The following TENM4 variants were observed in gnomAD, a reference collection of about 807,000 sequenced individuals.
TENM4 encodes the protein teneurin transmembrane protein 4, also known as teneurin-4.
Under a neutral mutation model 243.3 loss-of-function variants are expected in TENM4, and 82 were observed. The observed-to-expected ratio is 0.34, with a 90% confidence interval of 0.28 to 0.40. The LOEUF is 0.40. TENM4 is among the 10% of genes least tolerant of loss of function. TENM4 has a pLI of 1.00. For missense variants in TENM4, 3,138 were observed against 3,673.3 expected, an observed-to-expected ratio of 0.85 and a Z score of 3.77; for synonymous variants, 1,412 against 1,456.3, an observed-to-expected ratio of 0.97 and a Z score of 0.69.
intron 1 of TENM4, among the ~76,000 whole-genome samples, chr11:79,421,253 A>AC (rs1270653459): frequency 2.6e-5 from 4 of 151,078 alleles, no homozygotes; most frequent in Admixed American, 1.3e-4. Flanking sequence ...AAATAAAGTC[A>AC]CCCCCCCTCA....
intron 9 of TENM4, among the ~76,000 whole-genome samples, chr11:78,867,414 A>G (rs1859009617): frequency 6.6e-6 from 1 of 152,220 alleles, no homozygotes; most frequent in Admixed American, 6.5e-5. Context: ...GGTTTTAAAT[A>G]TAAGTCATGC....
chr11:79,278,904 C>G (rs1209273430), intron 2 of TENM4, among the ~76,000 whole-genome samples: 1 of 152,202 alleles, frequency 6.6e-6, no homozygotes, highest in African/African-American at 2.4e-5. Context: ...CAGAAACCAA[C>G]AGAGCCTAAA....
chr11:79,226,801 G>A (rs1481650747), intron 2 of TENM4, among the ~76,000 whole-genome samples: 1 of 152,114 alleles, frequency 6.6e-6, no homozygotes, highest in Non-Finnish European at 1.5e-5. Context: ...AAAACATGAT[G>A]GTTTTTATCA....
intron 6 of TENM4, among the ~76,000 whole-genome samples, chr11:78,983,157 T>C (rs2136633417): frequency 6.6e-6 from 1 of 152,340 alleles, no homozygotes; most frequent in Non-Finnish European, 1.5e-5. Flanking sequence ...GTGTATAAAA[T>C]GTTCTCAAAA....
rs780946140 is a variant in TENM4, at chr11:78,658,711, C to A, written c.7657G>T (p.Ala2553Ser). The change falls in exon 34 of 34, where the codon GCT (alanine) becomes TCT (serine). Residue 2553 changes from alanine (A) to serine (S), a missense_variant. Physicochemically the swap from Ala to Ser is moderately conservative, Grantham distance 99. Coordinates refer to ENST00000278550, the MANE Select transcript of TENM4 (RefSeq NM_001098816.3). Reference protein sequence around the residue: ...YGSTITSCQQAPKTKKFASSG... With the variant: ...YGSTITSCQQSPKTKKFASSG... ...GATGCAAACTTCTTGGTCTTTGGAG[C>A]CTGCTGGCAGCTGGTGATTGTGGAG... The A allele has an allele frequency of 1.9e-6, 3 of 1,614,008 alleles. No individual in the cohort carries two copies. Among genetic ancestry groups the A allele is most frequent in the South Asian group, 2.2e-5 (2 of 91,084 alleles).
At chr11:79,040,033 TA>T (rs34900293) in intron 6 of TENM4, among the ~76,000 whole-genome samples, 7,024 of 142,556 alleles carry the variant, frequency 0.049, 192 homozygotes, top group South Asian at 0.065. Context: ...GCAAAATGAT[TA>T]AAAAAAAAAA....
intron 9 of TENM4, among the ~76,000 whole-genome samples, chr11:78,879,006 C>T (rs1859341078): frequency 6.6e-6 from 1 of 152,034 alleles, no homozygotes; most frequent in African/African-American, 2.4e-5. Context: ...TCCTGTGCAC[C>T]ATCCCATCTG....
intron 4 of TENM4, among the ~76,000 whole-genome samples, chr11:79,071,916 T>C (rs1325823090): frequency 1.3e-5 from 2 of 152,228 alleles, no homozygotes; most frequent in Non-Finnish European, 2.9e-5. Flanking sequence ...TTAAGATGAA[T>C]AGTTGACACT....
At position 78,903,344 on chromosome 11, in the gene TENM4, G is replaced by A. The variant is rs886771772; in HGVS notation, c.673C>T (p.Pro225Ser). The change falls in exon 7 of 34, where the codon CCT becomes TCT. Residue 225 changes from proline (P) to serine (S), a missense_variant. Physicochemically the swap from Pro to Ser is moderately conservative, Grantham distance 74. Transcript: ENST00000278550. Reference sequence around the variant, plus strand: ...GCAGGCTCCTGGGCGCCGCCGGCAGGGGGCTCTCCGGAGAGCGAGTGGTCC... The same window carrying A: ...GCAGGCTCCTGGGCGCCGCCGGCAGAGGGCTCTCCGGAGAGCGAGTGGTCC... ...PTDHSLSGEP[P>S]AGGAQEPAHA... The A allele has an allele frequency of 7.2e-5, 107 of 1,478,924 alleles. No homozygotes were observed. The highest frequency in any genetic ancestry group is 9.2e-5 in the Non-Finnish European group (103 of 1,116,088). The allele number at this position is 1,478,924 out of a possible 1,614,324, so 91.6% of individuals were successfully genotyped here. A position where few individuals can be genotyped will look rare whatever the true frequency, so the allele number is the denominator to read the frequency against.
intron 32 of TENM4, among the ~76,000 whole-genome samples, chr11:78,666,221 C>T (rs1858156711): frequency 6.6e-6 from 1 of 152,114 alleles, no homozygotes; most frequent in East Asian, 1.9e-4. Flanking sequence ...CTTTGCACAC[C>T]ATGGGTTTTC....
At chr11:78,688,934 C>T (rs1858751083) in intron 28 of TENM4, among the ~76,000 whole-genome samples, 1 of 152,168 alleles carries the variant, frequency 6.6e-6, no homozygotes, top group South Asian at 2.1e-4. Flanking sequence ...TACTATTCTC[C>T]TGATAATAAT....
intron 1 of TENM4, among the ~76,000 whole-genome samples, chr11:79,357,435 T>C (rs1857515919): frequency 6.6e-6 from 1 of 152,230 alleles, no homozygotes; most frequent in Non-Finnish European, 1.5e-5. Flanking sequence ...TCCAGTTTTC[T>C]AGGGAATCGC....
intron 2 of TENM4, among the ~76,000 whole-genome samples, chr11:79,252,573 C>G (rs947835757): frequency 5.9e-5 from 9 of 152,182 alleles, no homozygotes; most frequent in African/African-American, 2.2e-4. Flanking sequence ...GGCCAGAAAA[C>G]TAGGGCAACT....
At chr11:78,928,413 TAAC>T (rs1203046856) in intron 6 of TENM4, among the ~76,000 whole-genome samples, 1 of 152,188 alleles carries the variant, frequency 6.6e-6, no homozygotes, top group Non-Finnish European at 1.5e-5. Flanking sequence ...GTTCCTAAGG[TAAC>T]AACTCTCAAT....
intron 1 of TENM4, among the ~76,000 whole-genome samples, chr11:79,315,044 A>G (rs970328855): frequency 6.6e-6 from 1 of 152,254 alleles, no homozygotes; most frequent in Admixed American, 6.5e-5. Context: ...GGGTGGTAGG[A>G]ACACAGATGA....
Position 79,440,243 on chromosome 11 carries a change from A to G in TENM4, c.-321+266T>C, listed in dbSNP as rs1183634646. On this transcript the variant is annotated intron_variant, in intron 1 of 33. Coordinates refer to ENST00000278550, the MANE Select transcript of TENM4 (RefSeq NM_001098816.3). The surrounding 1 kb of genome is among the most constrained non-coding windows in gnomAD (Gnocchi z 4.7). ...CTTCCCACCTCCCTGCCCTCCCCCA[A>G]CCCTTGCTCCCAGGCTCCAGTCCGC... Among the ~76,000 whole-genome samples the G allele has an allele frequency of 1.3e-5, 2 of 151,222 alleles. No homozygotes were observed. The highest frequency in any genetic ancestry group is 1.3e-4 in the Admixed American group (2 of 15,250).
chr11:78,897,502 A>T (rs1019022855), intron 7 of TENM4, among the ~76,000 whole-genome samples: 1 of 152,186 alleles, frequency 6.6e-6, no homozygotes, highest in Non-Finnish European at 1.5e-5. Context: ...CCAAGAACTT[A>T]GAACAGCACC....
At chr11:78,902,975 T>C (rs1855965208) in intron 7 of TENM4, among the ~76,000 whole-genome samples, 1 of 152,188 alleles carries the variant, frequency 6.6e-6, no homozygotes, top group Admixed American at 6.5e-5. Context: ...GCAAACATCA[T>C]GGCCATTGTG....
rs149611783 is a variant in TENM4, at chr11:78,692,163, TG to T, written c.5088-3938del. ...CTGGACAATGGCTTAGTTACATTTG[TG>T]ACAGTTTTCATTATGGGAACCCACA... On this transcript the variant is annotated intron_variant, in intron 28 of 33. Coordinates refer to ENST00000278550, the MANE Select transcript of TENM4 (RefSeq NM_001098816.3). Among the ~76,000 whole-genome samples, 1,283 of 152,334 alleles carry T rather than the reference TG, an allele frequency of 8.4e-3. 20 individuals are homozygous for T. Among genetic ancestry groups the T allele is most frequent in the African/African-American group, 0.03 (1,238 of 41,564 alleles).
Sources: gnomAD v4.1 joint callset for allele counts (sites outside exome capture counted in the v4.1 genomes callset) on GRCh38, gnomAD v4.1.1 for gene constraint, Gnocchi (gnomAD v3.1) non-coding constraint, MANE v1.5 for transcripts, NCBI Gene and HGNC (gene_info 2026-07-23, HGNC 2026-07-21) for gene names.